The following CCDC117 variants were observed in gnomAD, a reference collection of about 807,000 sequenced individuals.
CCDC117 encodes the protein coiled-coil domain containing 117.
In CCDC117, 1 loss-of-function variant was observed where a neutral mutation model predicts 23.5. The ratio of observed to expected loss-of-function variants is 0.04; its 90% CI spans 0.02 to 0.20. The LOEUF is 0.20. Ranked by LOEUF, CCDC117 falls within the 10% of genes least tolerant of loss-of-function variation. The pLI, the probability that CCDC117 is intolerant of heterozygous loss-of-function variation, is 1.00. For synonymous variants in CCDC117, 132 were observed against 124.8 expected (o/e 1.06, Z -0.39); for missense variants, 383 against 348.2 (o/e 1.10, Z -0.80).
At position 28,781,660 on chromosome 22, in the gene CCDC117, T is replaced by G. The variant is rs1165038348; in HGVS notation, c.464+488T>G. ...GCCACCGCACCCGGCCTGTTTTGTT[T>G]TTTAGATGGAGTTTTGCTCGTTACC... On this transcript the variant is annotated intron_variant, in intron 3 of 4. Transcript: ENST00000249064. Among the ~76,000 whole-genome samples, 4 of 151,028 alleles carry G rather than the reference T, an allele frequency of 2.6e-5. 2 individuals are homozygous for G. Among genetic ancestry groups the G allele is most frequent in the Non-Finnish European group, 5.9e-5 (4 of 67,686 alleles).
Position 28,786,525 on chromosome 22 carries a change from G to A in CCDC117, c.*199G>A. On this transcript the variant is annotated 3_prime_UTR_variant, in exon 5 of 5. Transcript: ENST00000249064. ...TTTTGCCAAGGACGTTTGTCTCAAG[G>A]GAAAAGCAGTTTTCTGTGGGGCTTA... The A allele has an allele frequency of 1.9e-6, 1 of 537,332 alleles. No individual in the cohort carries two copies. The highest frequency in any genetic ancestry group is 2.5e-5 in the South Asian group (1 of 39,790). 33.3% of individuals were successfully genotyped at this position (537,332 alleles called of 1,614,324 possible).
In CCDC117 at chr22:28,772,791, C is replaced by T; in HGVS notation, c.-59C>T. ...TTGGCAGTAGCTGTGGCTGCGGCTG[C>T]CGGGCCTGGGGACGCGGGCGGCCGA... is the stretch of plus-strand genomic sequence containing the variant. On this transcript the variant is annotated 5_prime_UTR_variant, in exon 1 of 5. Coordinates refer to ENST00000249064, the MANE Select transcript of CCDC117 (RefSeq NM_173510.4). 7 of 1,205,826 alleles carry T rather than the reference C, an allele frequency of 5.8e-6. No homozygotes were observed. Among genetic ancestry groups the T allele is most frequent in the Non-Finnish European group, 7.2e-6 (7 of 968,484 alleles). 74.7% of individuals were successfully genotyped at this position (1,205,826 alleles called of 1,614,324 possible).
chr22:28,778,504 G>A (rs1179534971), intron 2 of CCDC117, among the ~76,000 whole-genome samples: 2 of 151,926 alleles, frequency 1.3e-5, no homozygotes, highest in African/African-American at 4.8e-5. Flanking sequence ...GCTACTCGGG[G>A]GGCTGAGGCG....
Position 28,788,542 on chromosome 22 carries a change from A to G in CCDC117, c.*2216A>G, listed in dbSNP as rs1284828345. ...TACTGGTAAATGTAGGAGAGAATTAAGAATCTGTTAATTAAAATCCAAACA... is the reference window on the plus strand; with the variant it reads ...TACTGGTAAATGTAGGAGAGAATTAGGAATCTGTTAATTAAAATCCAAACA... On this transcript the variant is annotated 3_prime_UTR_variant, in exon 5 of 5. Transcript: ENST00000249064. 34 of 152,520 alleles carry G rather than the reference A, an allele frequency of 2.2e-4. No homozygotes were observed. The highest frequency in any genetic ancestry group is 2.2e-3 in the Admixed American group (34 of 15,282). 9.4% of individuals were successfully genotyped at this position (152,520 alleles called of 1,614,324 possible). A position where few individuals can be genotyped will look rare whatever the true frequency, so the allele number is the denominator to read the frequency against.
In CCDC117 at chr22:28,786,180, A is replaced by G. The variant is rs756290019; in HGVS notation, c.694A>G (p.Thr232Ala). 3 of 1,614,152 alleles carry G rather than the reference A, an allele frequency of 1.9e-6. No individual in the cohort carries two copies. Among genetic ancestry groups the G allele is most frequent in the East Asian group, 4.5e-5 (2 of 44,888 alleles). ...GCCATCCTCTAATACTAAGAACTAT[A>G]CAGGAGAGAGCCAAGCTAAGCATGT... Reference protein sequence around the residue: ...PKPSSNTKNYTGESQAKHVAA... With the variant: ...PKPSSNTKNYAGESQAKHVAA... The change falls in exon 5 of 5, where the codon ACA becomes GCA. Residue 232 changes from threonine (T) to alanine (A), a missense_variant. Physicochemically the swap from Thr to Ala is moderately conservative, Grantham distance 58. Coordinates refer to ENST00000249064, the MANE Select transcript of CCDC117 (RefSeq NM_173510.4).
chr22:28,783,940 T>G (rs1023400036), intron 4 of CCDC117, among the ~76,000 whole-genome samples: 2 of 152,142 alleles, frequency 1.3e-5, no homozygotes, highest in Admixed American at 1.3e-4. Context: ...ACTCTCAAGT[T>G]CCTGTGATAC....
chr22:28,782,664 C>G (rs1002938399), intron 3 of CCDC117, among the ~76,000 whole-genome samples: 1 of 151,964 alleles, frequency 6.6e-6, no homozygotes, highest in Non-Finnish European at 1.5e-5. Context: ...GTCTCGAACT[C>G]CGGACCTTGT....
In CCDC117 at chr22:28,787,244, A is replaced by G. The variant is rs888207307; in HGVS notation, c.*918A>G. The G allele has an allele frequency of 1.3e-4, 20 of 151,650 alleles. No homozygotes were observed. The highest frequency in any genetic ancestry group is 4.8e-4 in the African/African-American group (20 of 41,246). 9.4% of individuals were successfully genotyped at this position (151,650 alleles called of 1,614,324 possible). On this transcript the variant is annotated 3_prime_UTR_variant, in exon 5 of 5. Coordinates refer to ENST00000249064, the MANE Select transcript of CCDC117 (RefSeq NM_173510.4). ...AACCTCCATCTCCCGGGTTCAAGCA[A>G]TTCTCCTGCCTCACCCTCCCAAGTA...
In CCDC117 at chr22:28,783,557, C is replaced by T; in HGVS notation, c.514C>T (p.Leu172Phe). Residue 172 changes from leucine (L) to phenylalanine (F), a missense_variant, in exon 4 of 5, where the codon CTC (leucine) becomes TTC (phenylalanine). By Grantham distance (22) the Leu-to-Phe change is conservative. Coordinates refer to ENST00000249064, the MANE Select transcript of CCDC117 (RefSeq NM_173510.4). ...TGAAGCTGACAGAAATGTTAACCATCTCCCCAGTCTTGTCCTTTCTGATAC... is the reference window on the plus strand; with the variant it reads ...TGAAGCTGACAGAAATGTTAACCATTTCCCCAGTCTTGTCCTTTCTGATAC... ...EVEADRNVNH[L>F]PSLVLSDTMK... 6.2e-7 allele frequency: 1 copy of T among 1,613,480 alleles called. No individual in the cohort carries two copies. Among genetic ancestry groups the T allele is most frequent in the Non-Finnish European group, 8.5e-7 (1 of 1,179,556 alleles).
intron 2 of CCDC117, among the ~76,000 whole-genome samples, chr22:28,778,469 G>A (rs544742457): frequency 2.6e-5 from 4 of 152,170 alleles, no homozygotes; most frequent in South Asian, 2.1e-4. Flanking sequence ...TCAGCCGGGC[G>A]TGGTGGTGCG....
rs181635649 is a variant in CCDC117 at position 28,779,242 on chromosome 22, C to T, written c.240-1706C>T. On this transcript the variant is annotated intron_variant, in intron 2 of 4. Coordinates refer to ENST00000249064, the MANE Select transcript of CCDC117 (RefSeq NM_173510.4). ...TTTGAGACGGAGCCTTGGTCTGTCG[C>T]CCAGGCTGGAGTGCAGTGACGCAAT... Among the ~76,000 whole-genome samples, 18 of 152,212 alleles carry T rather than the reference C, an allele frequency of 1.2e-4. No individual in the cohort carries two copies. The East Asian group carries it at 2.9e-3, about 24-fold the overall frequency.
In CCDC117 at chr22:28,772,697, G is replaced by A. The variant is rs755469919; in HGVS notation, c.-153G>A. On this transcript the variant is annotated 5_prime_UTR_variant, in exon 1 of 5. Coordinates refer to ENST00000249064, the MANE Select transcript of CCDC117 (RefSeq NM_173510.4). ...ACAACAAATCCCGGCATGCCCCCGA[G>A]CGGCCTGAGGTGGAGGGTTCTAGAA... is the stretch of plus-strand genomic sequence containing the variant. 4.1e-6 allele frequency: 2 copies of A among 489,666 alleles called. No individual in the cohort carries two copies. The highest frequency in any genetic ancestry group is 6.3e-6 in the Non-Finnish European group (2 of 318,926). The allele number at this position is 489,666 out of a possible 1,614,324, so 30.3% of individuals were successfully genotyped here.
intron 2 of CCDC117, among the ~76,000 whole-genome samples, chr22:28,780,406 T>C (rs2031284021): frequency 6.6e-6 from 1 of 152,230 alleles, no homozygotes; most frequent in African/African-American, 2.4e-5. Context: ...CCAGACCATC[T>C]TCCTATATGT....
intron 2 of CCDC117, among the ~76,000 whole-genome samples, chr22:28,775,021 T>C (rs2031122241): frequency 6.6e-6 from 1 of 152,120 alleles, no homozygotes; most frequent in East Asian, 1.9e-4. Context: ...CCCAGCACTT[T>C]GGGAGGCTGA....
At chr22:28,777,356 GTCA>G (rs929009083) in intron 2 of CCDC117, among the ~76,000 whole-genome samples, 9 of 148,894 alleles carry the variant, frequency 6.0e-5, no homozygotes, top group East Asian at 2.0e-4. Context: ...AAATTATATT[GTCA>G]TCATTGTTTG....
intron 4 of CCDC117, among the ~76,000 whole-genome samples, chr22:28,784,771 T>TTTGTTG (rs996954836): frequency 6.6e-6 from 1 of 152,046 alleles, no homozygotes; most frequent in Non-Finnish European, 1.5e-5. Context: ...TCTCGTTTTT[T>TTTGTTG]TTGTTGTTGT....
chr22:28,780,879 A>C (rs927049628), intron 2 of CCDC117, 69 bp from the exon 3 acceptor site: 1 of 1,160,074 alleles, frequency 8.6e-7, no homozygotes, highest in African/African-American at 1.6e-5. Context: ...ACTTGATTGG[A>C]GATAGGAATG....
intron 4 of CCDC117, among the ~76,000 whole-genome samples, chr22:28,785,397 G>A (rs751662000): frequency 4.6e-5 from 7 of 151,664 alleles, no homozygotes; most frequent in African/African-American, 1.7e-4. Flanking sequence ...CACATTGCCC[G>A]GGCTGGTTGC....
chr22:28,784,247 G>A (rs1288212344), intron 4 of CCDC117, among the ~76,000 whole-genome samples: 2 of 152,156 alleles, frequency 1.3e-5, no homozygotes, highest in South Asian at 2.1e-4. Context: ...ACAGGGAGCT[G>A]TGACTACACT....
Sources: allele counts gnomAD v4.1 joint callset (sites outside exome capture counted in the v4.1 genomes callset), GRCh38; gene constraint gnomAD v4.1.1; transcripts MANE v1.5; gene names NCBI Gene and HGNC (gene_info 2026-07-23, HGNC 2026-07-21).